CDH13: variants seen among roughly 807,000 people sequenced by gnomAD.
CDH13 encodes the protein cadherin 13.
In CDH13, 24 loss-of-function variants were observed where a neutral mutation model predicts 63.8. That is an observed-to-expected ratio of 0.38 (90% CI 0.27 to 0.53). The LOEUF is 0.53. Ranked by LOEUF, CDH13 falls within the 20% of genes least tolerant of loss-of-function variation. The pLI, the probability that CDH13 is intolerant of heterozygous loss-of-function variation, is 0.85. For missense variants in CDH13, 1,049 were observed against 903.1 expected, an observed-to-expected ratio of 1.16 and a Z score of -2.07; for synonymous variants, 503 against 355.3, an observed-to-expected ratio of 1.42 and a Z score of -4.67.
chr16:83,426,900 T>C (rs1567664809), intron 6 of CDH13, among the ~76,000 whole-genome samples: 1 of 137,844 alleles, frequency 7.3e-6, no homozygotes, highest in African/African-American at 2.8e-5. Flanking sequence ...TATAAATATG[T>C]TTCTTTCTTT....
intron 1 of CDH13, among the ~76,000 whole-genome samples, chr16:82,831,427 A>G (rs1287644883): frequency 6.6e-6 from 1 of 152,060 alleles, no homozygotes; most frequent in African/African-American, 2.4e-5. Context: ...GGGGGTTGGG[A>G]GATCCTGGGA....
At chr16:83,688,486 G>A (rs1598482047) in intron 10 of CDH13, among the ~76,000 whole-genome samples, 1 of 152,160 alleles carries the variant, frequency 6.6e-6, no homozygotes, top group South Asian at 2.1e-4. Flanking sequence ...AGGCCAAATT[G>A]TAACATTTCT....
chr16:82,794,118 A>C (rs374047144), intron 1 of CDH13, among the ~76,000 whole-genome samples: 1 of 152,074 alleles, frequency 6.6e-6, no homozygotes, highest in African/African-American at 2.4e-5. Context: ...ATGAGGCCCA[A>C]CACAAGTTCG....
intron 2 of CDH13, among the ~76,000 whole-genome samples, chr16:82,874,276 C>A (rs984486115): frequency 6.6e-6 from 1 of 152,082 alleles, no homozygotes; most frequent in Non-Finnish European, 1.5e-5. Context: ...TTGCAGATTG[C>A]AGTCCTTAGA....
intron 4 of CDH13, among the ~76,000 whole-genome samples, chr16:83,213,813 G>T (rs889488310): frequency 2.6e-5 from 4 of 152,106 alleles, no homozygotes; most frequent in Non-Finnish European, 4.4e-5. Context: ...GAAGAGGATG[G>T]TAAAATGCAC....
At chr16:82,952,072 C>T (rs547428737) in intron 2 of CDH13, among the ~76,000 whole-genome samples, 7 of 152,324 alleles carry the variant, frequency 4.6e-5, no homozygotes, top group African/African-American at 7.2e-5. Flanking sequence ...CACATTTTCT[C>T]GAAAGGAGTT....
chr16:82,998,565 C>A (rs1249494985), intron 2 of CDH13, among the ~76,000 whole-genome samples: 3 of 152,144 alleles, frequency 2.0e-5, no homozygotes, highest in Non-Finnish European at 4.4e-5. Context: ...GTCCTCACCT[C>A]TGCTTGGACC....
intron 1 of CDH13, among the ~76,000 whole-genome samples, chr16:82,661,652 T>G (rs941717628): frequency 6.6e-6 from 1 of 152,264 alleles, no homozygotes; most frequent in African/African-American, 2.4e-5. Flanking sequence ...GGAGGTTCCA[T>G]GCCTTAAGGC....
At chr16:83,369,812 C>G (rs1014016734) in intron 6 of CDH13, among the ~76,000 whole-genome samples, 3 of 152,170 alleles carry the variant, frequency 2.0e-5, no homozygotes, top group Non-Finnish European at 4.4e-5. Flanking sequence ...CATCCTTTCT[C>G]TAGAAACGGC....
At chr16:83,563,849 T>C (rs911687852) in intron 7 of CDH13, among the ~76,000 whole-genome samples, 2 of 152,178 alleles carry the variant, frequency 1.3e-5, no homozygotes, top group Non-Finnish European at 2.9e-5. Flanking sequence ...GCACCACTAC[T>C]ATCCAGAAAC....
intron 4 of CDH13, among the ~76,000 whole-genome samples, chr16:83,156,875 C>T (rs561293691): frequency 1.9e-4 from 29 of 152,274 alleles, no homozygotes; most frequent in South Asian, 8.3e-4. Flanking sequence ...ATCCGGAAGG[C>T]GGCAGAGGCA....
chr16:83,091,564 A>T (rs1717200114), intron 3 of CDH13, among the ~76,000 whole-genome samples: 1 of 152,234 alleles, frequency 6.6e-6, no homozygotes, highest in African/African-American at 2.4e-5. Context: ...CTGGAGACTA[A>T]GTCAGCTCAA....
At chr16:83,330,797 A>G (rs747694232) in intron 5 of CDH13, among the ~76,000 whole-genome samples, 7 of 152,210 alleles carry the variant, frequency 4.6e-5, no homozygotes, top group Non-Finnish European at 1.0e-4. Context: ...ACTTGGTCAC[A>G]TGAGCCCTAT....
chr16:82,645,792 C>G (rs191294420), intron 1 of CDH13, among the ~76,000 whole-genome samples: 17 of 152,288 alleles, frequency 1.1e-4, no homozygotes, highest in African/African-American at 4.1e-4. Flanking sequence ...TGGGTAAATA[C>G]GCACTTCAAC....
At chr16:82,841,947 A>C (rs1453311593) in intron 1 of CDH13, among the ~76,000 whole-genome samples, 1 of 151,674 alleles carries the variant, frequency 6.6e-6, no homozygotes, top group Non-Finnish European at 1.5e-5. Flanking sequence ...GGACATTGTC[A>C]AAACTCAGAA....
chr16:82,779,853 C>G (rs1250287792), intron 1 of CDH13, among the ~76,000 whole-genome samples: 1 of 137,494 alleles, frequency 7.3e-6, no homozygotes, highest in Admixed American at 7.6e-5. Flanking sequence ...GGTCATGGCT[C>G]TCATAGTATT....
At chr16:83,053,384 C>T (rs1189878143) in intron 3 of CDH13, among the ~76,000 whole-genome samples, 4 of 151,986 alleles carry the variant, frequency 2.6e-5, no homozygotes, top group Non-Finnish European at 5.9e-5. Flanking sequence ...TTCAGACAAC[C>T]TCTCTCCTGG....
At chr16:83,381,325 C>G (rs1011130560) in intron 6 of CDH13, among the ~76,000 whole-genome samples, 6 of 152,080 alleles carry the variant, frequency 3.9e-5, no homozygotes, top group Admixed American at 3.3e-4. Context: ...TTTCCCTGCC[C>G]CTTCATGTCT....
intron 7 of CDH13, among the ~76,000 whole-genome samples, chr16:83,496,411 A>G (rs1198661600): frequency 2.0e-5 from 3 of 151,386 alleles, no homozygotes; most frequent in Non-Finnish European, 4.4e-5. Flanking sequence ...CAATGGGGAA[A>G]GGATTCCCTG....
Sources: gnomAD v4.1 joint callset for allele counts (sites outside exome capture counted in the v4.1 genomes callset) on GRCh38, gnomAD v4.1.1 for gene constraint, MANE v1.5 for transcripts, NCBI Gene and HGNC (gene_info 2026-07-23, HGNC 2026-07-21) for gene names.